The following MGA variants were observed in gnomAD, a reference collection of about 807,000 sequenced individuals.
MGA encodes the protein MAX dimerization protein MGA.
Under a neutral mutation model 261.1 loss-of-function variants are expected in MGA, and 40 were observed. That is an observed-to-expected ratio of 0.15 (90% CI 0.12 to 0.20). The LOEUF (loss-of-function observed/expected upper bound fraction) is 0.20, where lower values mean the gene tolerates loss of function less well. MGA is among the 10% of genes least tolerant of loss of function. The probability of loss-of-function intolerance (pLI) is 1.00; values close to 1 mark genes in which losing one functional copy is unlikely to be tolerated. For synonymous variants in MGA, 1,302 were observed against 1,290.6 expected (o/e 1.01, Z -0.19); for missense variants, 3,397 against 3,630.5 (o/e 0.94, Z 1.65).
intron 1 of MGA, among the ~76,000 whole-genome samples, chr15:41,626,285 CT>C (rs35419067): frequency 0.42 from 57,363 of 137,686 alleles, 11,092 homozygotes; most frequent in East Asian, 0.69. Flanking sequence ...CTATTTTCCT[CT>C]TTTTTTTTTT....
At chr15:41,753,567 C>T (rs80000478) in intron 17 of MGA, among the ~76,000 whole-genome samples, 4,934 of 152,162 alleles carry the variant, frequency 0.032, 131 homozygotes, top group South Asian at 0.07. Context: ...GGAAATACAG[C>T]AATCGTGGGC....
At chr15:41,726,055 G>A (rs1220992181) in intron 9 of MGA, among the ~76,000 whole-genome samples, 1 of 152,160 alleles carries the variant, frequency 6.6e-6, no homozygotes, top group Non-Finnish European at 1.5e-5. Flanking sequence ...AGAACTTCTT[G>A]ATAGTATGAT....
At chr15:41,638,226 A>G (rs1437427083) in intron 1 of MGA, among the ~76,000 whole-genome samples, 1 of 150,860 alleles carries the variant, frequency 6.6e-6, no homozygotes, top group Non-Finnish European at 1.5e-5. Flanking sequence ...TATTTTCAGT[A>G]GAGACGGGGT....
chr15:41,661,289 A>G (rs1242420036), intron 1 of MGA, among the ~76,000 whole-genome samples: 1 of 152,038 alleles, frequency 6.6e-6, no homozygotes, highest in Non-Finnish European at 1.5e-5. Flanking sequence ...TAAATGGTCA[A>G]GTAGGTCTCT....
chr15:41,743,454 C>T (rs1030678189), intron 15 of MGA, among the ~76,000 whole-genome samples: 2 of 152,158 alleles, frequency 1.3e-5, no homozygotes, highest in African/African-American at 2.4e-5. Flanking sequence ...ATAACTTGAA[C>T]AATCTTGACT....
chr15:41,648,171 A>C lies in MGA; in HGVS notation c.-67-20657A>C, dbSNP rs570869081. On this transcript the variant is annotated intron_variant, in intron 1 of 8. Transcript: ENST00000566718. ...TGGCACCTGACCTGAATATGCAGTG[A>C]TGCACAAAATAGACATGGTTATTTA... is the stretch of plus-strand genomic sequence containing the variant. Among the ~76,000 whole-genome samples the C allele has an allele frequency of 5.3e-5, 8 of 152,368 alleles. No homozygotes were observed. In the South Asian group the frequency reaches 1.7e-3, roughly 32 times the overall value.
upstream of MGA, among the ~76,000 whole-genome samples, chr15:41,657,339 C>CT (rs373920516): frequency 1.5e-3 from 161 of 106,856 alleles, 4 homozygotes; most frequent in African/African-American, 5.5e-3. Context: ...AGTGAAGGCC[C>CT]TTTTTTTTTT....
chr15:41,727,048 G>A (rs1025494747), intron 9 of MGA, 132 bp from the exon 10 acceptor site: 16 of 630,254 alleles, frequency 2.5e-5, no homozygotes, highest in Non-Finnish European at 4.3e-5. Context: ...TGTTTGGGGA[G>A]GGGGTCGTCT....
chr15:41,761,648 G>T, intron 20 of MGA, 91 bp from the exon 21 acceptor site: 2 of 659,416 alleles, frequency 3.0e-6, no homozygotes, highest in Non-Finnish European at 4.8e-6. Context: ...GTCAGATTAA[G>T]TTTTTTTTCA....
intron 2 of MGA, among the ~76,000 whole-genome samples, chr15:41,679,902 C>T (rs1311552604): frequency 6.6e-6 from 1 of 151,946 alleles, no homozygotes; most frequent in Non-Finnish European, 1.5e-5. Flanking sequence ...TAGTAGGTGG[C>T]AAATAGTGGC....
chr15:41,695,888 G>A (rs2059530080), intron 2 of MGA, among the ~76,000 whole-genome samples, 187 bp from the exon 3 acceptor site: 2 of 152,142 alleles, frequency 1.3e-5, no homozygotes, highest in Non-Finnish European at 2.9e-5. Flanking sequence ...TGTGATGGAT[G>A]TGTGTTCGCT....
At chr15:41,677,197 A>G (rs1388384576) in intron 2 of MGA, among the ~76,000 whole-genome samples, 2 of 152,202 alleles carry the variant, frequency 1.3e-5, no homozygotes, top group African/African-American at 2.4e-5. Context: ...GCAGGATTGC[A>G]GAGGTGTGAT....
At chr15:41,681,793 G>C (rs1421304030) in intron 2 of MGA, among the ~76,000 whole-genome samples, 1 of 151,980 alleles carries the variant, frequency 6.6e-6, no homozygotes, top group Non-Finnish European at 1.5e-5. Flanking sequence ...ATTCTATACT[G>C]CTGAGCCAAA....
rs1567116536 is a variant in MGA at position 41,766,674 on chromosome 15, T to C, written c.8592T>C (p.Ile2864=). 1 of 1,614,024 alleles carries C rather than the reference T, an allele frequency of 6.2e-7. No individual in the cohort carries two copies. The highest frequency in any genetic ancestry group is 2.2e-5 in the East Asian group (1 of 44,874). Residue 2864 remains isoleucine (I), a synonymous_variant, in exon 24 of 24, where the codon ATT becomes ATC. Transcript: ENST00000219905. ...CAGGGGATGCTCGGCGGGCTTTTATTAGTAAGGTTCCTCCTGGAAGCAGAG... is the reference window on the plus strand; with the variant it reads ...CAGGGGATGCTCGGCGGGCTTTTATCAGTAAGGTTCCTCCTGGAAGCAGAG...
upstream of MGA, among the ~76,000 whole-genome samples, chr15:41,655,618 A>T (rs940125127): frequency 6.6e-6 from 1 of 152,050 alleles, no homozygotes; most frequent in Admixed American, 6.6e-5. Context: ...GATTGGTTTA[A>T]TCTGTGGATG....
chr15:41,657,529 T>A (rs1357863317), upstream of MGA, among the ~76,000 whole-genome samples: 1 of 152,054 alleles, frequency 6.6e-6, no homozygotes, highest in East Asian at 1.9e-4. Flanking sequence ...AATTTTTTTA[T>A]ATTTTTAGTA....
In MGA at chr15:41,740,013, A is replaced by G. The variant is rs61757233; in HGVS notation, c.4435-40A>G. 4.5e-3 allele frequency: 7,226 copies of G among 1,613,922 alleles called. 33 individuals are homozygous for G. Among genetic ancestry groups the G allele is most frequent in the Non-Finnish European group, 5.6e-3 (6,604 of 1,179,836 alleles). On this transcript the variant is annotated intron_variant, in intron 13 of 23. Coordinates refer to ENST00000219905, the MANE Select transcript of MGA (RefSeq NM_001164273.2). ...ATATCACAGGCAGGTTGCGACCCTC[A>G]GTCCTGGACCTCTCAACCCTCAGTA... is the stretch of plus-strand genomic sequence containing the variant.
chr15:41,733,984 C>T (rs570969063), intron 11 of MGA, among the ~76,000 whole-genome samples: 3 of 147,994 alleles, frequency 2.0e-5, no homozygotes, highest in South Asian at 2.1e-4. Context: ...GGCATGGTCT[C>T]GGCTCACTGC....
chr15:41,744,188 A>G (rs569588008), intron 15 of MGA, among the ~76,000 whole-genome samples: 50 of 151,730 alleles, frequency 3.3e-4, no homozygotes, highest in Middle Eastern at 3.4e-3. Flanking sequence ...ATATATATAT[A>G]TGTGTGTGTG....
Sources: allele counts gnomAD v4.1 joint callset (sites outside exome capture counted in the v4.1 genomes callset), GRCh38; gene constraint gnomAD v4.1.1; transcripts MANE v1.5; gene names NCBI Gene and HGNC (gene_info 2026-07-23, HGNC 2026-07-21).